Variants in WIF1 observed in about 807,000 individuals in gnomAD.
WIF1 encodes Wnt inhibitory factor 1.
Under a neutral mutation model 53.5 loss-of-function variants are expected in WIF1, and 35 were observed. The observed-to-expected ratio is 0.65, with a 90% CI of 0.50 to 0.87. WIF1 has a LOEUF of 0.87. Ranked by LOEUF, WIF1 falls within the 40% of genes least tolerant of loss-of-function variation. The pLI is 0.00. For synonymous variants in WIF1, 171 were observed against 170.4 expected (o/e 1.00, Z -0.03); for missense variants, 467 against 476.8 (o/e 0.98, Z 0.19).
At chr12:65,112,765 C>T (rs1883452950) in intron 2 of WIF1, among the ~76,000 whole-genome samples, 2 of 152,102 alleles carry the variant, frequency 1.3e-5, no homozygotes, top group South Asian at 2.1e-4. Flanking sequence ...ATATATTTTC[C>T]CCTCTAAGAC....
chr12:65,092,584 T>C (rs150204755), intron 2 of WIF1, among the ~76,000 whole-genome samples: 1 of 151,754 alleles, frequency 6.6e-6, no homozygotes, highest in East Asian at 1.9e-4. Flanking sequence ...GGCTGGGATG[T>C]TTTACTAGAG....
chr12:65,120,995 G>A (rs879665517), intron 1 of WIF1, 49 bp downstream of exon 1: 17 of 1,399,402 alleles, frequency 1.2e-5, no homozygotes, highest in Non-Finnish European at 1.6e-5. Flanking sequence ...TTGAAGAGTG[G>A]AGAGAGGAGG....
intron 2 of WIF1, among the ~76,000 whole-genome samples, chr12:65,092,272 C>T (rs1304267618): frequency 6.6e-6 from 1 of 151,412 alleles, no homozygotes; most frequent in Non-Finnish European, 1.5e-5. Context: ...ACATCACACA[C>T]CGGGGCTTGT....
intron 2 of WIF1, among the ~76,000 whole-genome samples, chr12:65,084,601 C>T (rs1358724872): frequency 6.6e-6 from 1 of 152,162 alleles, no homozygotes; most frequent in East Asian, 1.9e-4. Context: ...ATGTTGGATT[C>T]CTGTGGCTAA....
chr12:65,108,636 C>T lies in WIF1; in HGVS notation c.288+11781G>A, dbSNP rs188550219. ...CCTGTCGATTACACCTCCCCTCCCT[C>T]TCCACTGCCTTCCTTGGTTCAGGTG... is the stretch of plus-strand genomic sequence containing the variant. On this transcript the variant is annotated intron_variant, in intron 2 of 9. Transcript: ENST00000286574. Among the ~76,000 whole-genome samples the T allele has an allele frequency of 1.0e-3, 159 of 152,342 alleles. 2 individuals are homozygous for T. Among genetic ancestry groups the T allele is most frequent in the African/African-American group, 3.7e-3 (154 of 41,584 alleles).
intron 7 of WIF1, among the ~76,000 whole-genome samples, chr12:65,061,938 T>C (rs1882618256): frequency 6.6e-6 from 1 of 152,216 alleles, no homozygotes; most frequent in Non-Finnish European, 1.5e-5. Flanking sequence ...TACTTTCACT[T>C]AGTATCTGTG....
intron 2 of WIF1, among the ~76,000 whole-genome samples, chr12:65,097,352 T>C (rs1883221287): frequency 6.6e-6 from 1 of 152,162 alleles, no homozygotes; most frequent in Non-Finnish European, 1.5e-5. Flanking sequence ...CTACCTCCAT[T>C]TCAAAATTGA....
intron 2 of WIF1, among the ~76,000 whole-genome samples, chr12:65,079,031 C>T (rs188188339): frequency 1.3e-4 from 19 of 151,562 alleles, no homozygotes; most frequent in African/African-American, 3.9e-4. Flanking sequence ...TGGGCATGGT[C>T]GTGGGTGCTT....
intron 3 of WIF1, among the ~76,000 whole-genome samples, chr12:65,074,332 C>A (rs891911483): frequency 6.6e-6 from 1 of 151,788 alleles, no homozygotes; most frequent in African/African-American, 2.4e-5. Context: ...AGAAGCTGAG[C>A]AGGTAAGTAT....
intron 3 of WIF1, 112 bp downstream of exon 3, chr12:65,077,634 G>A (rs1882884036): frequency 2.6e-6 from 2 of 758,602 alleles, no homozygotes; most frequent in Non-Finnish European, 4.3e-6. Flanking sequence ...ATCAACAGAT[G>A]TCTTCAGGAA....
rs1882730277 is a variant in WIF1, at chr12:65,068,878, C to T, written c.424G>A (p.Gly142Arg). ...AATGCTGCCACCCCATCCTGTTTTC[C>T]AAGACATGGGAAACCAACTTGAACA... ...SVVQVGFPCL[G>R]KQDGVAAFEV... The change falls in exon 4 of 10, where the codon GGA becomes AGA. Residue 142 changes from glycine (G) to arginine (R), a missense_variant. By Grantham distance (125) the Gly-to-Arg change is moderately radical (BLOSUM62 -2). Transcript: ENST00000286574. 3 of 1,613,166 alleles carry T rather than the reference C, an allele frequency of 1.9e-6. No homozygotes were observed. Among genetic ancestry groups the T allele is most frequent in the South Asian group, 1.1e-5 (1 of 90,982 alleles).
At position 65,121,141 on chromosome 12, in the gene WIF1, G is replaced by T. The variant is rs577090751; in HGVS notation, c.51C>A (p.Ile17=). The T allele has an allele frequency of 7.7e-6, 12 of 1,550,384 alleles. No individual in the cohort carries two copies. Among genetic ancestry groups the T allele is most frequent in the South Asian group, 1.2e-5 (1 of 83,466 alleles). ...FPAAALWLWS[I]LLCLLALRAE... ...CCCGCAGTGCCAGCAGGCACAGGAG[G>T]ATGCTCCAGAGCCAGAGCGCGGCGG... The change falls in exon 1 of 10, where the codon ATC becomes ATA. Residue 17 remains isoleucine (I), a synonymous_variant. Coordinates refer to ENST00000286574, the MANE Select transcript of WIF1 (RefSeq NM_007191.5).
intron 2 of WIF1, among the ~76,000 whole-genome samples, chr12:65,079,465 T>G (rs1401230813): frequency 1.3e-5 from 2 of 152,028 alleles, no homozygotes; most frequent in African/African-American, 2.4e-5. Context: ...TTACAGAAAT[T>G]TATAAGCATT....
At chr12:65,055,945 C>A in intron 8 of WIF1, 86 bp downstream of exon 8, 1 of 1,201,574 alleles carries the variant, frequency 8.3e-7, no homozygotes, top group South Asian at 1.4e-5. Context: ...AGGCAACATG[C>A]ACTAAGCACG....
intron 2 of WIF1, among the ~76,000 whole-genome samples, chr12:65,115,239 C>T (rs113052447): frequency 2.8e-4 from 42 of 150,222 alleles, no homozygotes; most frequent in Non-Finnish European, 5.3e-4. Flanking sequence ...TACTAGATTC[C>T]TAGTACCTTA....
chr12:65,120,572 A>G lies in WIF1; in HGVS notation c.149-16T>C. Reference sequence around the variant, plus strand: ...TCTTCAAATCCTGGTTTTTAAAATAATAAAACGATCAAACCAGGTAGACTT... The same window carrying G: ...TCTTCAAATCCTGGTTTTTAAAATAGTAAAACGATCAAACCAGGTAGACTT... On this transcript the variant is annotated splice_polypyrimidine_tract_variant and intron_variant, in intron 1 of 9. Coordinates refer to ENST00000286574, the MANE Select transcript of WIF1 (RefSeq NM_007191.5). 1 of 1,600,646 alleles carries G rather than the reference A, an allele frequency of 6.2e-7. No homozygotes were observed. The highest frequency in any genetic ancestry group is 8.5e-7 in the Non-Finnish European group (1 of 1,176,428).
intron 7 of WIF1, among the ~76,000 whole-genome samples, chr12:65,060,701 C>A (rs1361440434): frequency 6.6e-6 from 1 of 152,112 alleles, no homozygotes; most frequent in Non-Finnish European, 1.5e-5. Context: ...TGACTTATAT[C>A]TTAATTAAAA....
intron 6 of WIF1, among the ~76,000 whole-genome samples, chr12:65,066,232 A>T (rs1036666208): frequency 6.6e-6 from 1 of 152,146 alleles, no homozygotes; most frequent in African/African-American, 2.4e-5. Context: ...ATAGGTGTGG[A>T]AGTTTTGTGG....
chr12:65,121,225 C>A lies in WIF1; in HGVS notation c.-34G>T, dbSNP rs1472878030. ...GGACCTCCTCGCTGCCGGGAAAACTCCTCGTGCCGCACCTACGCAACCTGG... is the reference window on the plus strand; with the variant it reads ...GGACCTCCTCGCTGCCGGGAAAACTACTCGTGCCGCACCTACGCAACCTGG... On this transcript the variant is annotated 5_prime_UTR_variant, in exon 1 of 10. Transcript: ENST00000286574. 3 of 1,417,924 alleles carry A rather than the reference C, an allele frequency of 2.1e-6. No individual in the cohort carries two copies. Among genetic ancestry groups the A allele is most frequent in the Non-Finnish European group, 2.8e-6 (3 of 1,075,340 alleles). 87.8% of individuals were successfully genotyped at this position (1,417,924 alleles called of 1,614,324 possible).
Sources: gnomAD v4.1 joint callset for allele counts (sites outside exome capture counted in the v4.1 genomes callset) on GRCh38, gnomAD v4.1.1 for gene constraint, MANE v1.5 for transcripts, NCBI Gene and HGNC (gene_info 2026-07-23, HGNC 2026-07-21) for gene names.